The following SAFB2 variants were observed in gnomAD, a reference collection of about 807,000 sequenced individuals.
SAFB2 encodes the protein scaffold attachment factor B2.
A neutral mutation model predicts 100.6 loss-of-function variants in SAFB2; 32 were observed. The observed-to-expected ratio is 0.32, with a 90% CI of 0.24 to 0.43. The LOEUF (loss-of-function observed/expected upper bound fraction) is 0.43. Ranked by LOEUF, SAFB2 falls within the 20% of genes least tolerant of loss-of-function variation. SAFB2 has a pLI of 1.00. For synonymous variants in SAFB2, 500 were observed against 439.4 expected, an observed-to-expected ratio of 1.14 and a Z score of -1.72; for missense variants, 1,185 against 1,163.4, an observed-to-expected ratio of 1.02 and a Z score of -0.27.
Position 5,587,988 on chromosome 19 carries a change from A to T in SAFB2, c.2526-8T>A. ...CCCCAGTCACGGCCACCCCTTTGCC[A>T]AAAGAAAAAGACATGCAGCCATCTA... On this transcript the variant is annotated splice_polypyrimidine_tract_variant and splice_region_variant and intron_variant, in intron 18 of 20. Coordinates refer to ENST00000252542, the MANE Select transcript of SAFB2 (RefSeq NM_014649.3). This position sits in a 1 kb window ranked among gnomAD's most constrained non-coding sequence, Gnocchi z 4.9. 1 of 1,607,850 alleles carries T rather than the reference A, an allele frequency of 6.2e-7. No individual in the cohort carries two copies. Among genetic ancestry groups the T allele is most frequent in the Non-Finnish European group, 8.5e-7 (1 of 1,177,222 alleles).
intron 2 of SAFB2, among the ~76,000 whole-genome samples, chr19:5,618,769 C>T (rs73920028): frequency 5.1e-4 from 78 of 152,334 alleles, no homozygotes; most frequent in African/African-American, 1.8e-3. Context: ...GCTAATGTGG[C>T]GCAGACAGGC....
intron 11 of SAFB2, among the ~76,000 whole-genome samples, chr19:5,600,567 C>T (rs956593963): frequency 5.3e-5 from 8 of 152,144 alleles, no homozygotes; most frequent in African/African-American, 1.4e-4. Context: ...ATGAGAAACA[C>T]GCCAACTACA....
intron 4 of SAFB2, 79 bp downstream of exon 4, chr19:5,616,053 C>T: frequency 7.5e-7 from 1 of 1,332,492 alleles, no homozygotes; most frequent in Non-Finnish European, 1.1e-6. Flanking sequence ...TAGCTGTGTT[C>T]TCCCTCACAC....
intron 11 of SAFB2, 78 bp downstream of exon 11, chr19:5,604,505 G>T: frequency 9.8e-7 from 1 of 1,018,052 alleles, no homozygotes; most frequent in Non-Finnish European, 1.5e-6. Flanking sequence ...GGACAGATGC[G>T]TGTTTTTCAA....
Position 5,601,982 on chromosome 19 carries a change from T to C in SAFB2, c.1560-1722A>G, listed in dbSNP as rs1261125809. ...ACAACTGTATAAAAACCACCACTCA[T>C]CCAAGATGGCAAAGGCTAGCCCCTC... On this transcript the variant is annotated intron_variant, in intron 11 of 20. Transcript: ENST00000252542. Among the ~76,000 whole-genome samples, 4 of 152,152 alleles carry C rather than the reference T, an allele frequency of 2.6e-5. No individual in the cohort carries two copies. The East Asian group carries it at 7.7e-4, about 29-fold the overall frequency.
intron 13 of SAFB2, 113 bp downstream of exon 13, chr19:5,598,680 T>C (rs2052585878): frequency 1.0e-6 from 1 of 956,796 alleles, no homozygotes; most frequent in Admixed American, 2.0e-5. Flanking sequence ...TCGCGCCTCC[T>C]ACAAACTTCA....
intron 4 of SAFB2, among the ~76,000 whole-genome samples, chr19:5,614,022 C>T (rs1468433162): frequency 1.2e-4 from 18 of 152,182 alleles, no homozygotes; most frequent in Admixed American, 9.2e-4. Flanking sequence ...GGCGCCATCT[C>T]GGCTCATTGC....
intron 2 of SAFB2, among the ~76,000 whole-genome samples, chr19:5,620,565 T>C (rs148017918): frequency 6.6e-6 from 1 of 152,254 alleles, no homozygotes; most frequent in Non-Finnish European, 1.5e-5. Context: ...ACGTGAAAGC[T>C]GATGCAAATG....
intron 4 of SAFB2, among the ~76,000 whole-genome samples, chr19:5,615,789 GGT>G (rs2053014795): frequency 6.6e-6 from 1 of 152,222 alleles, no homozygotes; most frequent in South Asian, 2.1e-4. Context: ...AATAAGCCCA[GGT>G]AGTCAGGAGG....
chr19:5,609,737 C>T (rs1024548425), intron 9 of SAFB2, among the ~76,000 whole-genome samples: 13 of 152,334 alleles, frequency 8.5e-5, no homozygotes, highest in South Asian at 2.1e-4. Context: ...TGCCCTGCTC[C>T]GCACCCTAGT....
In SAFB2 at chr19:5,610,118, A is replaced by G. The variant is rs2052876463; in HGVS notation, c.1196-23T>C. On this transcript the variant is annotated intron_variant, in intron 8 of 20. Coordinates refer to ENST00000252542, the MANE Select transcript of SAFB2 (RefSeq NM_014649.3). ...GACCTGGCACGAGAGGGAGATTCTT[A>G]GGCATCACCCCAAGGCCTAACAGGA... The G allele has an allele frequency of 5.0e-6, 8 of 1,603,884 alleles. No homozygotes were observed. The South Asian group carries it at 7.7e-5, about 15-fold the overall frequency.
intron 14 of SAFB2, 95 bp downstream of exon 14, chr19:5,595,266 G>C: frequency 6.7e-7 from 1 of 1,488,524 alleles, no homozygotes; most frequent in Non-Finnish European, 9.0e-7. Flanking sequence ...ACTGGCTCTC[G>C]GGCACACAGA....
intron 11 of SAFB2, among the ~76,000 whole-genome samples, chr19:5,603,509 AAAC>A (rs1488640480): frequency 6.6e-6 from 1 of 152,222 alleles, no homozygotes; most frequent in Non-Finnish European, 1.5e-5. Flanking sequence ...TTAAAAATAT[AAAC>A]AACCCACACC....
In SAFB2 at chr19:5,607,409, C is replaced by T. The variant is rs183219069; in HGVS notation, c.1297-2473G>A. ...ATGACAATAACATCACAAAGATCGA[C>T]GGGAGGGGAAATGCAAGTATATTCC... is the stretch of plus-strand genomic sequence containing the variant. On this transcript the variant is annotated intron_variant, in intron 9 of 20. Transcript: ENST00000252542. Among the ~76,000 whole-genome samples the T allele has an allele frequency of 8.1e-4, 123 of 152,144 alleles. 1 individual carries two copies. Among genetic ancestry groups the T allele is most frequent in the African/African-American group, 2.9e-3 (121 of 41,506 alleles).
chr19:5,621,701 GA>G (rs904313313), intron 1 of SAFB2, among the ~76,000 whole-genome samples: 1 of 152,224 alleles, frequency 6.6e-6, no homozygotes, highest in South Asian at 2.1e-4. Flanking sequence ...AAAGTTATAT[GA>G]TGGGACAAAT....
At chr19:5,611,743 TAC>T (rs1430664783) in intron 6 of SAFB2, 113 bp from the exon 7 acceptor site, 1 of 462,858 alleles carries the variant, frequency 2.2e-6, no homozygotes, top group African/African-American at 2.1e-5. Context: ...AACTGCTAGC[TAC>T]ACAGAGATTG....
chr19:5,597,029 C>T (rs1311220493), intron 13 of SAFB2, among the ~76,000 whole-genome samples: 1 of 152,130 alleles, frequency 6.6e-6, no homozygotes, highest in East Asian at 1.9e-4. Context: ...TCACCCAGCA[C>T]TTTGATGGCA....
chr19:5,609,138 T>C (rs1009069414), intron 9 of SAFB2, among the ~76,000 whole-genome samples: 1 of 150,888 alleles, frequency 6.6e-6, no homozygotes. Flanking sequence ...TCATTTTAAA[T>C]TGTCCTCACC....
In SAFB2 at chr19:5,604,629, A is replaced by G; in HGVS notation, c.1513T>C (p.Leu505=). The G allele has an allele frequency of 6.2e-7, 1 of 1,614,058 alleles. No individual in the cohort carries two copies. Among genetic ancestry groups the G allele is most frequent in the Non-Finnish European group, 8.5e-7 (1 of 1,180,006 alleles). Reference sequence around the variant, plus strand: ...GAATGATGTCTGTCGACACTCGATAATTTTTCCTTCTTCACTTCGCACTCT... The same window carrying G: ...GAATGATGTCTGTCGACACTCGATAGTTTTTCCTTCTTCACTTCGCACTCT... ...RKECEVKKEK[L]SSVDRHHSVE... The change falls in exon 11 of 21, where the codon TTA becomes CTA. Residue 505 remains leucine (L), a synonymous_variant. Coordinates refer to ENST00000252542, the MANE Select transcript of SAFB2 (RefSeq NM_014649.3).
Sources: allele counts gnomAD v4.1 joint callset (sites outside exome capture counted in the v4.1 genomes callset), GRCh38; gene constraint gnomAD v4.1.1; non-coding constraint Gnocchi (gnomAD v3.1); transcripts MANE v1.5; gene names NCBI Gene and HGNC (gene_info 2026-07-23, HGNC 2026-07-21).